Variants in CTTNBP2NL observed in about 807,000 individuals in gnomAD.
The protein encoded by CTTNBP2NL is CTTNBP2 N-terminal like.
In CTTNBP2NL, 16 loss-of-function variants were observed where a neutral mutation model predicts 32.5. That is an observed-to-expected ratio of 0.49 (90% CI 0.33 to 0.75). The LOEUF is 0.75. CTTNBP2NL is among the 30% of genes least tolerant of loss of function. CTTNBP2NL has a pLI of 0.02. For missense variants in CTTNBP2NL, 645 were observed against 756.0 expected (o/e 0.85, Z 1.72); for synonymous variants, 298 against 289.4 (o/e 1.03, Z -0.30).
intron 3 of CTTNBP2NL, among the ~76,000 whole-genome samples, chr1:112,447,164 C>CT (rs1435782515): frequency 1.3e-5 from 2 of 149,878 alleles, no homozygotes; most frequent in African/African-American, 4.9e-5. Flanking sequence ...GTCCCAGCTA[C>CT]TTGGGAGGCT....
chr1:112,440,338 T>C (rs191666627), intron 3 of CTTNBP2NL, among the ~76,000 whole-genome samples: 18 of 152,372 alleles, frequency 1.2e-4, no homozygotes, highest in Non-Finnish European at 2.2e-4. Context: ...TAAACAATAA[T>C]ACCGATTACT....
rs551308861 is a variant in CTTNBP2NL, at chr1:112,397,447, C to T, written c.-134+1175C>T. ...TAGTGTCCTCCCCGCCCCCAGGAAA[C>T]ATTCATGTATATTTTGATTGGTTTT... On this transcript the variant is annotated intron_variant, in intron 1 of 5. Transcript: ENST00000271277. 2.6e-5 allele frequency among the ~76,000 whole-genome samples: 4 copies of T among 152,266 alleles called. No homozygotes were observed. In the South Asian group the frequency reaches 6.2e-4, roughly 24 times the overall value.
At chr1:112,432,243 T>G (rs1490401206) in intron 3 of CTTNBP2NL, among the ~76,000 whole-genome samples, 2 of 151,728 alleles carry the variant, frequency 1.3e-5, no homozygotes, top group Non-Finnish European at 2.9e-5. Context: ...CCAGCTAATT[T>G]TTTGTATTTT....
At chr1:112,392,078 A>G (rs1183164059), upstream of CTTNBP2NL, among the ~76,000 whole-genome samples, 1 of 152,248 alleles carries the variant, frequency 6.6e-6, no homozygotes, top group Non-Finnish European at 1.5e-5. Flanking sequence ...CAAATATTCT[A>G]TAAATCAAAA....
chr1:112,442,077 C>T (rs1411296498), intron 3 of CTTNBP2NL, among the ~76,000 whole-genome samples: 1 of 152,208 alleles, frequency 6.6e-6, no homozygotes, highest in African/African-American at 2.4e-5. Flanking sequence ...CCTGCTGCTG[C>T]ATTTTGCAGT....
At chr1:112,416,813 G>A (rs898656846) in intron 3 of CTTNBP2NL, among the ~76,000 whole-genome samples, 2 of 152,016 alleles carry the variant, frequency 1.3e-5, no homozygotes, top group Non-Finnish European at 2.9e-5. Context: ...TTTTAGTTTA[G>A]TGGCCCTTAG....
chr1:112,398,758 C>T (rs1427624045), intron 1 of CTTNBP2NL, among the ~76,000 whole-genome samples: 1 of 142,848 alleles, frequency 7.0e-6, no homozygotes, highest in East Asian at 2.1e-4. Flanking sequence ...TTACAGTGAG[C>T]TATGATCATG....
intron 3 of CTTNBP2NL, among the ~76,000 whole-genome samples, chr1:112,431,322 T>C (rs1649564279): frequency 1.3e-5 from 2 of 152,232 alleles, no homozygotes; most frequent in African/African-American, 4.8e-5. Flanking sequence ...TATTTCTAGT[T>C]GTCCCCATAA....
chr1:112,454,147 T>C (rs1396102022), intron 4 of CTTNBP2NL, among the ~76,000 whole-genome samples: 1 of 152,206 alleles, frequency 6.6e-6, no homozygotes, highest in African/African-American at 2.4e-5. Flanking sequence ...TCTTGGAATT[T>C]CTGTTAATTC....
At chr1:112,429,234 C>T (rs1028085291) in intron 3 of CTTNBP2NL, among the ~76,000 whole-genome samples, 2 of 152,104 alleles carry the variant, frequency 1.3e-5, no homozygotes, top group African/African-American at 4.8e-5. Flanking sequence ...TGGGATCTGA[C>T]CATAAGAGAT....
At chr1:112,427,661 C>A (rs756752387) in intron 3 of CTTNBP2NL, among the ~76,000 whole-genome samples, 2 of 151,980 alleles carry the variant, frequency 1.3e-5, no homozygotes, top group Non-Finnish European at 2.9e-5. Flanking sequence ...TTTGGGAGGC[C>A]GAGGCAAGTG....
At position 112,457,442 on chromosome 1, in the gene CTTNBP2NL, T is replaced by G. The variant is rs1650406614; in HGVS notation, c.*30T>G. The G allele has an allele frequency of 1.3e-6, 2 of 1,557,364 alleles. No individual in the cohort carries two copies. Among genetic ancestry groups the G allele is most frequent in the Admixed American group, 2.0e-5 (1 of 51,128 alleles). ...TAGGAGGGAGTCTCCACGTTTGACA[T>G]TCCATCAGATTTCGTCCAAAAGCTC... On this transcript the variant is annotated 3_prime_UTR_variant, in exon 6 of 6. Transcript: ENST00000271277.
chr1:112,430,029 A>T (rs1167568517), intron 3 of CTTNBP2NL, among the ~76,000 whole-genome samples: 2 of 152,204 alleles, frequency 1.3e-5, no homozygotes, highest in Non-Finnish European at 2.9e-5. Context: ...GCCAAAAGGT[A>T]CAGGACAGGC....
intron 1 of CTTNBP2NL, among the ~76,000 whole-genome samples, chr1:112,406,520 G>T (rs1408934826): frequency 3.3e-5 from 5 of 152,206 alleles, no homozygotes; most frequent in African/African-American, 7.2e-5. Flanking sequence ...TAAATGAGGA[G>T]GATGATGATA....
chr1:112,399,146 C>A (rs753041803), intron 1 of CTTNBP2NL, among the ~76,000 whole-genome samples: 1 of 151,576 alleles, frequency 6.6e-6, no homozygotes, highest in African/African-American at 2.4e-5. Context: ...GATAAAACCC[C>A]GTCTTTATCA....
At chr1:112,415,274 T>C (rs1460778701) in intron 2 of CTTNBP2NL, among the ~76,000 whole-genome samples, 1 of 152,202 alleles carries the variant, frequency 6.6e-6, no homozygotes, top group African/African-American at 2.4e-5. Context: ...GAATTAAGTC[T>C]ATTTTACTAT....
At chr1:112,415,382 G>T (rs913658838) in intron 2 of CTTNBP2NL, among the ~76,000 whole-genome samples, 1 of 151,900 alleles carries the variant, frequency 6.6e-6, no homozygotes, top group Non-Finnish European at 1.5e-5. Flanking sequence ...CTCTTTTCCC[G>T]AATTTTATTT....
At chr1:112,439,669 A>G (rs1466948631) in intron 3 of CTTNBP2NL, among the ~76,000 whole-genome samples, 1 of 152,200 alleles carries the variant, frequency 6.6e-6, no homozygotes, top group African/African-American at 2.4e-5. Flanking sequence ...GTTAACTTTA[A>G]GTATCACACA....
chr1:112,445,641 G>GT lies in CTTNBP2NL; in HGVS notation c.100-3300dup, dbSNP rs1292117796. Among the ~76,000 whole-genome samples, 4 of 152,186 alleles carry GT rather than the reference G, an allele frequency of 2.6e-5. No homozygotes were observed. The East Asian group carries it at 7.7e-4, about 29-fold the overall frequency. On this transcript the variant is annotated intron_variant, in intron 3 of 5. Transcript: ENST00000271277. Reference sequence around the variant, plus strand: ...TTTTCCTTTACAGGCAAAGCCGTCTGTATTATACAACTTGTAATTACTATG... The same window carrying GT: ...TTTTCCTTTACAGGCAAAGCCGTCTGTTATTATACAACTTGTAATTACTATG...
Sources: allele counts gnomAD v4.1 joint callset (sites outside exome capture counted in the v4.1 genomes callset), GRCh38; gene constraint gnomAD v4.1.1; transcripts MANE v1.5; gene names NCBI Gene and HGNC (gene_info 2026-07-23, HGNC 2026-07-21).